Variants in BBOF1 observed in about 807,000 individuals in gnomAD.
BBOF1 encodes the protein basal body-orientation factor 1.
A neutral mutation model predicts 68.0 loss-of-function variants in BBOF1; 62 were observed. That is an observed-to-expected ratio of 0.91 (90% confidence interval 0.74 to 1.13). The LOEUF (loss-of-function observed/expected upper bound fraction) is 1.13, where lower values mean the gene tolerates loss of function less well. Among genes scored for constraint, BBOF1 ranks in the 50% most tolerant of loss-of-function variants. The probability of loss-of-function intolerance (pLI) is 0.00; values close to 1 mark genes in which losing one functional copy is unlikely to be tolerated. For synonymous variants in BBOF1, 208 were observed against 198.8 expected (o/e 1.05, Z -0.39); for missense variants, 534 against 600.1 (o/e 0.89, Z 1.15).
intron 4 of BBOF1, 34 bp downstream of exon 4, chr14:74,034,205 T>C: frequency 2.1e-6 from 3 of 1,423,018 alleles, no homozygotes; most frequent in Non-Finnish European, 2.8e-6. Flanking sequence ...AAAAGGAAAT[T>C]AGAATTAACT....
chr14:74,051,101 G>A (rs1595076529), intron 8 of BBOF1, among the ~76,000 whole-genome samples: 1 of 151,936 alleles, frequency 6.6e-6, no homozygotes, highest in South Asian at 2.1e-4. Flanking sequence ...AAAATTAGCT[G>A]GGCATGGTGG....
intron 9 of BBOF1, among the ~76,000 whole-genome samples, chr14:74,077,692 C>A (rs1485093589): frequency 6.6e-6 from 1 of 152,186 alleles, no homozygotes; most frequent in African/African-American, 2.4e-5. Flanking sequence ...GACCCAAACA[C>A]CTCCCACTAG....
chr14:74,076,610 C>T (rs2060616136), intron 9 of BBOF1, among the ~76,000 whole-genome samples: 3 of 152,194 alleles, frequency 2.0e-5, no homozygotes, highest in African/African-American at 7.2e-5. Flanking sequence ...GACCTTGGCT[C>T]ACTGCAACCT....
intron 1 of BBOF1, 21 bp downstream of exon 1, chr14:74,019,555 A>G: frequency 6.3e-7 from 1 of 1,581,282 alleles, no homozygotes; most frequent in Non-Finnish European, 8.6e-7. Flanking sequence ...GCCACCCGAG[A>G]GTCCCCTCTC....
At chr14:74,066,896 A>G (rs1358427014), downstream of BBOF1, 1 of 1,612,434 alleles carries the variant, frequency 6.2e-7, no homozygotes, top group Non-Finnish European at 8.5e-7. Flanking sequence ...CCTGTAAAAC[A>G]ACACAGAAGA....
At chr14:74,068,956 C>T (rs754017447), downstream of BBOF1, 39 of 1,613,714 alleles carry the variant, frequency 2.4e-5, no homozygotes, top group Middle Eastern at 1.6e-4. Context: ...CTTTGATGTC[C>T]GGATGATCGC....
intron 7 of BBOF1, among the ~76,000 whole-genome samples, chr14:74,049,208 T>C (rs10151133): frequency 0.032 from 4,901 of 152,218 alleles, 201 homozygotes; most frequent in African/African-American, 0.097. Flanking sequence ...GAAAGTTTCT[T>C]AATTAGCACA....
chr14:74,042,749 AG>A (rs1194188189), intron 5 of BBOF1, among the ~76,000 whole-genome samples: 1 of 152,102 alleles, frequency 6.6e-6, no homozygotes, highest in Non-Finnish European at 1.5e-5. Context: ...TCGGGGCTGC[AG>A]TGAGCCATGA....
chr14:74,057,257 C>T lies in BBOF1; in HGVS notation c.1577C>T (p.Thr526Ile), dbSNP rs1023821718. Residue 526 changes from threonine (T) to isoleucine (I), a missense_variant and splice_region_variant, in exon 11 of 12, where the codon ACA (threonine) becomes ATA (isoleucine). Coordinates refer to ENST00000394009, the MANE Select transcript of BBOF1 (RefSeq NM_025057.3). The stretch of plus-strand genomic sequence containing the variant: ...CCAAAAGAACCTCAGGAGTCTGACA[C>T]AGTAAGGAGTCTGTATCTAATCAAA... ...TIPKEPQESD[T>I]GTF 6 of 1,613,974 alleles carry T rather than the reference C, an allele frequency of 3.7e-6. No individual in the cohort carries two copies. Among genetic ancestry groups the T allele is most frequent in the Non-Finnish European group, 5.1e-6 (6 of 1,179,978 alleles).
chr14:74,032,245 G>A (rs2059589411), intron 3 of BBOF1, among the ~76,000 whole-genome samples: 1 of 148,552 alleles, frequency 6.7e-6, no homozygotes, highest in African/African-American at 2.5e-5. Context: ...TCCTGCCTCA[G>A]CCTCCCAAGT....
In BBOF1 at chr14:74,048,214, C is replaced by G. The variant is rs535046942; in HGVS notation, c.792+140C>G. ...TGTCTGGATGATGCACTTTTTTTATCTGAAAAGGTTAAATACTCAATCTTA... is the reference window on the plus strand; with the variant it reads ...TGTCTGGATGATGCACTTTTTTTATGTGAAAAGGTTAAATACTCAATCTTA... On this transcript the variant is annotated intron_variant, in intron 7 of 11. Coordinates refer to ENST00000394009, the MANE Select transcript of BBOF1 (RefSeq NM_025057.3). 4.5e-5 allele frequency: 32 copies of G among 709,528 alleles called. No individual in the cohort carries two copies. The Admixed American group carries it at 6.8e-4, about 15-fold the overall frequency. 44.0% of individuals were successfully genotyped at this position (709,528 alleles called of 1,614,324 possible).
intron 11 of BBOF1, chr14:74,059,444 C>A: frequency 2.2e-6 from 1 of 452,926 alleles, no homozygotes; most frequent in Non-Finnish European, 4.4e-6. Context: ...GCCTGTAATC[C>A]CAGCACTTTG....
intron 9 of BBOF1, chr14:74,072,556 C>G: frequency 6.2e-7 from 1 of 1,614,020 alleles, no homozygotes. Flanking sequence ...GATATCGATC[C>G]ATTTGTCACT....
intron 4 of BBOF1, among the ~76,000 whole-genome samples, chr14:74,036,118 C>T (rs113453029): frequency 0.19 from 28,188 of 151,492 alleles, 2,837 homozygotes; most frequent in South Asian, 0.44. Context: ...TGCAGTGGCG[C>T]GATCTCTGCT....
intron 7 of BBOF1, among the ~76,000 whole-genome samples, chr14:74,049,138 C>T (rs1346913614): frequency 6.6e-6 from 1 of 152,190 alleles, no homozygotes; most frequent in East Asian, 1.9e-4. Context: ...CCTCCCAAAG[C>T]TCCAGGATTA....
chr14:74,057,422 A>G lies in BBOF1; in HGVS notation c.1578+164A>G, dbSNP rs758194884. 1.4e-5 allele frequency: 22 copies of G among 1,518,854 alleles called. No individual in the cohort carries two copies. The South Asian group carries it at 2.2e-4, about 15-fold the overall frequency. 94.1% of individuals were successfully genotyped at this position (1,518,854 alleles called of 1,614,324 possible). On this transcript the variant is annotated intron_variant, in intron 11 of 11. Coordinates refer to ENST00000394009, the MANE Select transcript of BBOF1 (RefSeq NM_025057.3). ...AGATTACATAAATTTTTAAAGCAAT[A>G]TCCGTACAAATGCATATTATACTAA... is the stretch of plus-strand genomic sequence containing the variant.
Position 74,055,687 on chromosome 14 carries a change from T to A in BBOF1, c.1388+2T>A. 1 of 1,605,444 alleles carries A rather than the reference T, an allele frequency of 6.2e-7. No individual in the cohort carries two copies. Among genetic ancestry groups the A allele is most frequent in the Non-Finnish European group, 8.5e-7 (1 of 1,172,602 alleles). On this transcript the variant is annotated splice_donor_variant, in intron 9 of 11. Transcript: ENST00000394009. LOFTEE classifies it high-confidence loss of function. The stretch of plus-strand genomic sequence containing the variant: ...AAAAATGAATGGCTGTCCTTCTAGG[T>A]AACTCCCTATTTCTGCAGTGAAATA...
intron 8 of BBOF1, among the ~76,000 whole-genome samples, chr14:74,053,697 G>A (rs866555967): frequency 3.1e-4 from 46 of 150,636 alleles, no homozygotes; most frequent in African/African-American, 9.5e-4. Flanking sequence ...GTGAGCCACC[G>A]CACCTGGCCA....
At chr14:74,046,261 C>G in intron 6 of BBOF1, 131 bp downstream of exon 6, 1 of 674,404 alleles carries the variant, frequency 1.5e-6, no homozygotes, top group Non-Finnish European at 2.4e-6. Flanking sequence ...GGTCTACTGT[C>G]CCTCCCTGTT....
Sources: allele counts gnomAD v4.1 joint callset (sites outside exome capture counted in the v4.1 genomes callset), GRCh38; gene constraint gnomAD v4.1.1; transcripts MANE v1.5; gene names NCBI Gene and HGNC (gene_info 2026-07-23, HGNC 2026-07-21).